Variants in CDYL observed in about 807,000 individuals in gnomAD.
The protein encoded by CDYL is chromodomain Y-like protein.
Under a neutral mutation model 47.3 loss-of-function variants are expected in CDYL, and 8 were observed. That is an observed-to-expected ratio of 0.17 (90% CI 0.10 to 0.31). The LOEUF (loss-of-function observed/expected upper bound fraction) is 0.31. Ranked by LOEUF, CDYL falls within the 10% of genes least tolerant of loss-of-function variation. The probability of loss-of-function intolerance (pLI) is 1.00; values close to 1 mark genes in which losing one functional copy is unlikely to be tolerated. For synonymous variants in CDYL, 266 were observed against 265.0 expected (o/e 1.00, Z -0.04); for missense variants, 471 against 701.4 (o/e 0.67, Z 3.71).
chr6:4,858,555 C>T (rs74371724), intron 1 of CDYL, among the ~76,000 whole-genome samples: 5,003 of 152,316 alleles, frequency 0.033, 277 homozygotes, highest in African/African-American at 0.11. Context: ...CGGGATCGAG[C>T]GCCACCCTGG....
At chr6:4,723,682 T>TG (rs750453947) in intron 2 of CDYL, among the ~76,000 whole-genome samples, 6 of 152,218 alleles carry the variant, frequency 3.9e-5, no homozygotes, top group East Asian at 1.9e-4. Flanking sequence ...GGCTTGTTGA[T>TG]GGAGTCCTCG....
At chr6:4,945,625 C>T (rs925304696) in intron 5 of CDYL, among the ~76,000 whole-genome samples, 2 of 152,252 alleles carry the variant, frequency 1.3e-5, no homozygotes, top group African/African-American at 4.8e-5. Flanking sequence ...CGGCCTGCAT[C>T]CCATTTCCCA....
intron 1 of CDYL, among the ~76,000 whole-genome samples, chr6:4,789,336 G>A (rs956546640): frequency 3.3e-5 from 5 of 152,168 alleles, no homozygotes; most frequent in African/African-American, 9.7e-5. Context: ...AGCCTCCCAA[G>A]GTGCTGAGAT....
At chr6:4,724,247 TTA>T (rs1252955930) in intron 2 of CDYL, among the ~76,000 whole-genome samples, 9 of 151,884 alleles carry the variant, frequency 5.9e-5, no homozygotes, top group Non-Finnish European at 8.8e-5. Context: ...CAGGGTTTCA[TTA>T]TATGTTGGCC....
At chr6:4,737,553 A>G (rs1757724905) in intron 3 of CDYL, among the ~76,000 whole-genome samples, 1 of 151,742 alleles carries the variant, frequency 6.6e-6, no homozygotes, top group Non-Finnish European at 1.5e-5. Flanking sequence ...AGGCTGAGGC[A>G]GGAGAATCCC....
chr6:4,872,946 G>T (rs1381803858), intron 1 of CDYL, among the ~76,000 whole-genome samples: 3 of 152,316 alleles, frequency 2.0e-5, no homozygotes, highest in South Asian at 4.1e-4. Context: ...TTTTTGGTTT[G>T]TGTTGTCAAT....
At chr6:4,835,796 C>T (rs902280869) in intron 1 of CDYL, among the ~76,000 whole-genome samples, 3 of 152,218 alleles carry the variant, frequency 2.0e-5, no homozygotes, top group Non-Finnish European at 4.4e-5. Flanking sequence ...GCGTCCCTCT[C>T]CCAGCCTCGT....
At chr6:4,937,791 A>G in intron 4 of CDYL, 54 bp downstream of exon 4, 1 of 1,442,272 alleles carries the variant, frequency 6.9e-7, no homozygotes, top group South Asian at 1.3e-5. Context: ...TTTTTGGTAA[A>G]CCAATCCTGA....
rs775114658 is a variant in CDYL at position 4,852,220 on chromosome 6, G to C, written c.25-39493G>C. On this transcript the variant is annotated intron_variant, in intron 1 of 6. Transcript: ENST00000397588. ...AATTGGAAGATTTTCTAGTCCTGTCGTTCCTTCTGTGGTTACCAGGTGGAA... is the reference window on the plus strand; with the variant it reads ...AATTGGAAGATTTTCTAGTCCTGTCCTTCCTTCTGTGGTTACCAGGTGGAA... Among the ~76,000 whole-genome samples, 11 of 152,144 alleles carry C rather than the reference G, an allele frequency of 7.2e-5. No homozygotes were observed. In the East Asian group the frequency reaches 2.1e-3, roughly 29 times the overall value.
At chr6:4,828,801 A>T (rs999987127) in intron 1 of CDYL, among the ~76,000 whole-genome samples, 2 of 150,518 alleles carry the variant, frequency 1.3e-5, no homozygotes, top group African/African-American at 2.4e-5. Flanking sequence ...TTTTTTCTTT[A>T]TTTTCTTTAC....
At chr6:4,861,761 G>C (rs1325059700) in intron 1 of CDYL, among the ~76,000 whole-genome samples, 2 of 152,184 alleles carry the variant, frequency 1.3e-5, no homozygotes, top group Non-Finnish European at 2.9e-5. Flanking sequence ...GCGCAGTACT[G>C]TATCTGTCTC....
At chr6:4,836,996 A>C (rs1760335432) in intron 1 of CDYL, among the ~76,000 whole-genome samples, 2 of 152,178 alleles carry the variant, frequency 1.3e-5, no homozygotes, top group African/African-American at 4.8e-5. Context: ...CTCTCTCATG[A>C]GAGTGAGGGC....
At chr6:4,869,826 TATGTC>T in intron 1 of CDYL, among the ~76,000 whole-genome samples, 1 of 152,330 alleles carries the variant, frequency 6.6e-6, no homozygotes, top group East Asian at 1.9e-4. Flanking sequence ...TATACAATGT[TATGTC>T]ATTTAAATAA....
At chr6:4,893,012 A>G (rs1160011563) in intron 2 of CDYL, among the ~76,000 whole-genome samples, 1 of 152,272 alleles carries the variant, frequency 6.6e-6, no homozygotes, top group East Asian at 1.9e-4. Context: ...TGACCTGTCC[A>G]TCTCCCAGGA....
In CDYL at chr6:4,776,758, TC is replaced by T; in HGVS notation, c.-23del. 2.3e-6 allele frequency: 1 copy of T among 434,236 alleles called. No homozygotes were observed. Among genetic ancestry groups the T allele is most frequent in the South Asian group, 3.9e-5 (1 of 25,504 alleles). 26.9% of individuals were successfully genotyped at this position (434,236 alleles called of 1,614,324 possible). ...CCGGCGCCCGCCCCGACCCTGCCCC[TC>T]CCGCCCGCAACTCCGCCGCCCACCA... On this transcript the variant is annotated 5_prime_UTR_variant, in exon 1 of 7. Coordinates refer to ENST00000397588, the MANE Select transcript of CDYL (RefSeq NM_004824.4).
chr6:4,945,659 G>C (rs1394781827), intron 5 of CDYL, among the ~76,000 whole-genome samples: 1 of 152,246 alleles, frequency 6.6e-6, no homozygotes, highest in African/African-American at 2.4e-5. Context: ...TCCAGATAGA[G>C]GTCTTTGTAC....
chr6:4,934,341 TAAAA>T (rs922627398), intron 2 of CDYL, among the ~76,000 whole-genome samples: 2 of 151,658 alleles, frequency 1.3e-5, no homozygotes, highest in African/African-American at 2.4e-5. Context: ...AAAATATAAT[TAAAA>T]AAAAACCTCT....
intron 1 of CDYL, among the ~76,000 whole-genome samples, chr6:4,798,950 C>G (rs1259384473): frequency 6.6e-6 from 1 of 152,172 alleles, no homozygotes; most frequent in Non-Finnish European, 1.5e-5. Flanking sequence ...CAGATACTTG[C>G]TTCTGCTCTT....
intron 1 of CDYL, among the ~76,000 whole-genome samples, chr6:4,863,626 A>T (rs1761236508): frequency 6.6e-6 from 1 of 152,246 alleles, no homozygotes; most frequent in South Asian, 2.1e-4. Context: ...GTGTGAAATT[A>T]TGAAGAGTTG....
Sources: allele counts gnomAD v4.1 joint callset (sites outside exome capture counted in the v4.1 genomes callset), GRCh38; gene constraint gnomAD v4.1.1; transcripts MANE v1.5; gene names NCBI Gene and HGNC (gene_info 2026-07-23, HGNC 2026-07-21).